MRAP2: variants seen among roughly 807,000 people sequenced by gnomAD.
The protein encoded by MRAP2 is melanocortin 2 receptor accessory protein 2, also known as melanocortin-2 receptor accessory protein 2.
A neutral mutation model predicts 17.4 loss-of-function variants in MRAP2; 20 were observed. That is an observed-to-expected ratio of 1.15 (90% confidence interval 0.81 to 1.67). The LOEUF is 1.67. Among genes scored for constraint, MRAP2 ranks in the 40% most tolerant of loss-of-function variants. The pLI is 0.00. For synonymous variants in MRAP2, 96 were observed against 88.4 expected, an observed-to-expected ratio of 1.09 and a Z score of -0.48; for missense variants, 238 against 240.0, an observed-to-expected ratio of 0.99 and a Z score of 0.05.
the MRAP2 span, among the ~76,000 whole-genome samples, chr6:84,141,108 G>GC: frequency 0.044 from 6,667 of 152,162 alleles, 473 homozygotes; most frequent in African/African-American, 0.15. Flanking sequence ...ATGCTCACTC[G>GC]CCCCCTGCTC....
the MRAP2 span, among the ~76,000 whole-genome samples, chr6:84,140,163 C>T: frequency 6.6e-6 from 1 of 152,146 alleles, no homozygotes; most frequent in East Asian, 1.9e-4. Flanking sequence ...ACCCAAGACA[C>T]AAGTGACAAG....
the MRAP2 span, among the ~76,000 whole-genome samples, chr6:84,111,719 A>G: frequency 6.6e-6 from 1 of 152,318 alleles, no homozygotes; most frequent in East Asian, 1.9e-4. Context: ...TTGCTCATTC[A>G]GTATGATATT....
At chr6:84,121,840 CAA>C in the MRAP2 span, among the ~76,000 whole-genome samples, 1 of 152,010 alleles carries the variant, frequency 6.6e-6, no homozygotes, top group East Asian at 1.9e-4. Context: ...AATGCCTACA[CAA>C]AAAGACAGAT....
the MRAP2 span, among the ~76,000 whole-genome samples, chr6:84,127,095 T>A: frequency 5.9e-5 from 9 of 152,118 alleles, no homozygotes; most frequent in Admixed American, 2.6e-4. Context: ...ATCCAGAGAT[T>A]AAAGACACAG....
At chr6:84,132,601 A>C in the MRAP2 span, among the ~76,000 whole-genome samples, 19 of 152,092 alleles carry the variant, frequency 1.2e-4, no homozygotes, top group African/African-American at 4.1e-4. Flanking sequence ...TTTGATCTTC[A>C]ATCACTGATA....
At chr6:84,102,398 A>C in the MRAP2 span, among the ~76,000 whole-genome samples, 2 of 152,158 alleles carry the variant, frequency 1.3e-5, no homozygotes, top group Non-Finnish European at 2.9e-5. Context: ...AGCTTGAGGG[A>C]GATGTGACCA....
intron 2 of MRAP2, among the ~76,000 whole-genome samples, chr6:84,058,418 C>A (rs1588635404): frequency 6.6e-6 from 1 of 152,210 alleles, no homozygotes; most frequent in Non-Finnish European, 1.5e-5. Context: ...ACCTGAGTAA[C>A]TGGCAGGATG....
chr6:84,067,499 G>A (rs749797319), intron 3 of MRAP2, among the ~76,000 whole-genome samples: 2 of 152,170 alleles, frequency 1.3e-5, no homozygotes, highest in Non-Finnish European at 2.9e-5. Context: ...TTCTACACCA[G>A]CAGTGTAGAA....
intron 3 of MRAP2, among the ~76,000 whole-genome samples, chr6:84,083,737 A>C (rs1262793362): frequency 2.6e-5 from 4 of 152,214 alleles, no homozygotes; most frequent in Admixed American, 6.5e-5. Context: ...TTGTTACAGT[A>C]CTCAATTTAA....
the MRAP2 span, among the ~76,000 whole-genome samples, chr6:84,146,224 T>C: frequency 1.3e-5 from 2 of 152,262 alleles, 1 homozygote; most frequent in Admixed American, 1.3e-4. Context: ...TACTTTGTGT[T>C]GTGGTTTCTC....
chr6:84,141,155 C>T, the MRAP2 span, among the ~76,000 whole-genome samples: 1 of 152,158 alleles, frequency 6.6e-6, no homozygotes, highest in Non-Finnish European at 1.5e-5. Flanking sequence ...AGGCCATGAA[C>T]TGGTACTGGT....
downstream of MRAP2, among the ~76,000 whole-genome samples, chr6:84,091,175 A>G (rs527896234): frequency 2.0e-5 from 3 of 151,552 alleles, no homozygotes; most frequent in African/African-American, 7.3e-5. Context: ...TTATAAATAG[A>G]TGCTATTTTC....
downstream of MRAP2, among the ~76,000 whole-genome samples, chr6:84,094,996 T>C (rs1048691589): frequency 1.3e-5 from 2 of 152,218 alleles, no homozygotes; most frequent in African/African-American, 4.8e-5. Flanking sequence ...TACCAGCCAC[T>C]GCCCATTGCC....
At chr6:84,041,546 AG>A (rs1182704624) in intron 1 of MRAP2, among the ~76,000 whole-genome samples, 1 of 152,242 alleles carries the variant, frequency 6.6e-6, no homozygotes, top group Non-Finnish European at 1.5e-5. Flanking sequence ...AGGCGCCAGG[AG>A]GGGGCTGTAC....
chr6:84,089,421 A>G lies in MRAP2; in HGVS notation c.558A>G (p.Glu186=). 6.2e-7 allele frequency: 1 copy of G among 1,614,082 alleles called. No homozygotes were observed. Among genetic ancestry groups the G allele is most frequent in the Non-Finnish European group, 8.5e-7 (1 of 1,180,032 alleles). Residue 186 remains glutamate, a synonymous_variant, in exon 4 of 4, where the codon GAA becomes GAG. Transcript: ENST00000257776. ...YFGEDDLLIS[E]PPIVLETKPL... is the part of the protein sequence containing the mutation. The stretch of plus-strand genomic sequence containing the variant: ...GGGAGGATGATCTTCTGATTTCTGA[A>G]CCACCTATTGTTCTGGAAACTAAGC...
At chr6:84,123,324 T>A in the MRAP2 span, among the ~76,000 whole-genome samples, 1 of 149,964 alleles carries the variant, frequency 6.7e-6, no homozygotes, top group African/African-American at 2.4e-5. Context: ...GGCATCACAT[T>A]GCTTGACTTC....
chr6:84,117,470 C>T, the MRAP2 span, among the ~76,000 whole-genome samples: 1 of 151,254 alleles, frequency 6.6e-6, no homozygotes, highest in African/African-American at 2.4e-5. Context: ...CTTTGTACCT[C>T]TGGTAGAATT....
chr6:84,076,371 C>T (rs2099497618), intron 3 of MRAP2, among the ~76,000 whole-genome samples: 1 of 151,972 alleles, frequency 6.6e-6, no homozygotes, highest in Admixed American at 6.6e-5. Context: ...TTACAGGTGC[C>T]CACAACCATG....
the MRAP2 span, among the ~76,000 whole-genome samples, chr6:84,135,324 T>C: frequency 2.6e-4 from 39 of 152,190 alleles, no homozygotes; most frequent in African/African-American, 9.2e-4. Context: ...AAAGAGTGAT[T>C]CACCCAGATG....
Sources: gnomAD v4.1 joint callset for allele counts (sites outside exome capture counted in the v4.1 genomes callset) on GRCh38, gnomAD v4.1.1 for gene constraint, MANE v1.5 for transcripts, NCBI Gene and HGNC (gene_info 2026-07-23, HGNC 2026-07-21) for gene names.